The following ATP6V0B variants were observed in gnomAD, a reference collection of about 807,000 sequenced individuals.
The protein encoded by ATP6V0B is V-type proton ATPase 21 kDa proteolipid subunit c''.
In ATP6V0B, 4 loss-of-function variants were observed where a neutral mutation model predicts 26.2. The ratio of observed to expected loss-of-function variants is 0.15; its 90% CI spans 0.08 to 0.35. The LOEUF (loss-of-function observed/expected upper bound fraction) is 0.35, where lower values mean the gene tolerates loss of function less well. Ranked by LOEUF, ATP6V0B falls within the 10% of genes least tolerant of loss-of-function variation. The pLI, the probability that ATP6V0B is intolerant of heterozygous loss-of-function variation, is 1.00. For missense variants in ATP6V0B, 175 were observed against 272.5 expected (o/e 0.64, Z 2.52); for synonymous variants, 110 against 105.8 (o/e 1.04, Z -0.24).
chr1:43,977,987 A>C lies in ATP6V0B; in HGVS notation c.598A>C (p.Arg200=), dbSNP rs756022638. ...TCCTGTTCTTTTTTTGCAGACCTCC[A>C]GAGTGAAGATGGGTGACTAGATGAT... The part of the protein sequence containing the change: ...GVIVAILQTS[R]VKMGD The change falls in exon 8 of 8, where the codon AGA becomes CGA. Residue 200 remains arginine, a synonymous_variant. Coordinates refer to ENST00000472174, the MANE Select transcript of ATP6V0B (RefSeq NM_004047.5). 6.2e-7 allele frequency: 1 copy of C among 1,614,166 alleles called. No homozygotes were observed. Among genetic ancestry groups the C allele is most frequent in the East Asian group, 2.2e-5 (1 of 44,892 alleles).
In ATP6V0B at chr1:43,977,051, C is replaced by G; in HGVS notation, c.426C>G (p.Leu142=). The change falls in exon 7 of 8, where the codon CTC becomes CTG. Residue 142 remains leucine (L), a synonymous_variant. Coordinates refer to ENST00000472174, the MANE Select transcript of ATP6V0B (RefSeq NM_004047.5). ...GCTACTCCATGTTTGGGGCTGGCCT[C>G]ACCGTAGGCCTGTCTAACCTCTTCT... ...HAGYSMFGAG[L]TVGLSNLFCG... 6.2e-7 allele frequency: 1 copy of G among 1,608,694 alleles called. No homozygotes were observed. Among genetic ancestry groups the G allele is most frequent in the East Asian group, 2.2e-5 (1 of 44,720 alleles).
chr1:43,976,499 G>A lies in ATP6V0B; in HGVS notation c.279-91G>A, dbSNP rs896409999. 3.2e-6 allele frequency: 5 copies of A among 1,559,424 alleles called. No individual in the cohort carries two copies. Among genetic ancestry groups the A allele is most frequent in the Admixed American group, 1.7e-5 (1 of 59,246 alleles). On this transcript the variant is annotated intron_variant, in intron 4 of 7. Transcript: ENST00000472174. This position sits in a 1 kb window ranked among gnomAD's most constrained non-coding sequence, Gnocchi z 4.6. ...GTGGGATGGGATGTTATAGGGGAAAGATTGCTGGGGACTTACTGGGCAGGA... is the reference window on the plus strand; with the variant it reads ...GTGGGATGGGATGTTATAGGGGAAAAATTGCTGGGGACTTACTGGGCAGGA...
In ATP6V0B at chr1:43,976,310, A is replaced by G. The variant is rs1557646593; in HGVS notation, c.209A>G (p.Tyr70Cys). ...LSVVGAAWGI[Y>C]ITGSSIIGGG... Reference sequence around the variant, plus strand: ...TTTTATCCTTCCACCAGGGGCATCTATATTACCGGCTCCTCCATCATTGGT... The same window carrying G: ...TTTTATCCTTCCACCAGGGGCATCTGTATTACCGGCTCCTCCATCATTGGT... Residue 70 changes from tyrosine (Y) to cysteine (C), a missense_variant, in exon 4 of 8, where the codon TAT becomes TGT. Tyr to Cys is a radical substitution (Grantham distance 194, BLOSUM62 -2). This residue lies in a region of ATP6V0B where 75 missense variants were observed against 94.7 expected (regional missense o/e 0.79). Transcript: ENST00000472174. This position sits in a 1 kb window ranked among gnomAD's most constrained non-coding sequence, Gnocchi z 4.6. The G allele has an allele frequency of 1.2e-6, 2 of 1,613,824 alleles. No individual in the cohort carries two copies. Among genetic ancestry groups the G allele is most frequent in the Non-Finnish European group, 1.7e-6 (2 of 1,179,846 alleles).
intron 7 of ATP6V0B, 182 bp from the exon 8 acceptor site, chr1:43,977,799 G>A: frequency 6.5e-7 from 1 of 1,545,446 alleles, no homozygotes; most frequent in African/African-American, 1.4e-5. Context: ...CTGTCCCACA[G>A]CGTAACTCTG....
rs769391912 is a variant in ATP6V0B, at chr1:43,977,159, C to T, written c.534C>T (p.Ile178=). ...QNPSLFVKIL[I]VEIFGSAIGL... ...CCAGCCTCTTTGTAAAGATTCTCATCGTGGAGATCTTTGGCAGCGCCATTG... is the reference window on the plus strand; with the variant it reads ...CCAGCCTCTTTGTAAAGATTCTCATTGTGGAGATCTTTGGCAGCGCCATTG... Residue 178 remains isoleucine (I), a synonymous_variant, in exon 7 of 8, where the codon ATC becomes ATT. Transcript: ENST00000472174. 27 of 1,614,148 alleles carry T rather than the reference C, an allele frequency of 1.7e-5. No homozygotes were observed. Among genetic ancestry groups the T allele is most frequent in the Middle Eastern group, 1.6e-4 (1 of 6,084 alleles).
Position 43,977,103 on chromosome 1 carries a change from A to G in ATP6V0B, c.478A>G (p.Ser160Gly). 6.2e-7 allele frequency: 1 copy of G among 1,614,224 alleles called. No homozygotes were observed. Among genetic ancestry groups the G allele is most frequent in the Non-Finnish European group, 8.5e-7 (1 of 1,180,038 alleles). ...TGGAGTCTGCGTGGGCATCGTGGGC[A>G]GTGGGGCTGCCCTGGCCGATGCTCA... Reference protein sequence around the residue: ...FCGVCVGIVGSGAALADAQNP... With the variant: ...FCGVCVGIVGGGAALADAQNP... Residue 160 changes from serine (S) to glycine (G), a missense_variant, in exon 7 of 8, where the codon AGT becomes GGT. By Grantham distance (56) the Ser-to-Gly change is moderately conservative. Around this residue, in one of 3 missense-constraint regions of ATP6V0B, gnomAD observed 97 missense variants for 158.0 expected, o/e 0.61. Transcript: ENST00000472174.
In ATP6V0B at chr1:43,976,490, T is replaced by C. The variant is rs2085522014; in HGVS notation, c.279-100T>C. ...AGCCACCTTGTGGGATGGGATGTTATAGGGGAAAGATTGCTGGGGACTTAC... is the reference window on the plus strand; with the variant it reads ...AGCCACCTTGTGGGATGGGATGTTACAGGGGAAAGATTGCTGGGGACTTAC... On this transcript the variant is annotated intron_variant, in intron 4 of 7. Transcript: ENST00000472174. The surrounding 1 kb of genome is among the most constrained non-coding windows in gnomAD (Gnocchi z 4.6). The C allele has an allele frequency of 7.1e-6, 11 of 1,549,432 alleles. No individual in the cohort carries two copies. Among genetic ancestry groups the C allele is most frequent in the Non-Finnish European group, 9.8e-6 (11 of 1,124,360 alleles).
Position 43,977,077 on chromosome 1 carries a change from G to T in ATP6V0B, c.452G>T (p.Cys151Phe). The T allele has an allele frequency of 6.2e-7, 1 of 1,613,914 alleles. No homozygotes were observed. Among genetic ancestry groups the T allele is most frequent in the Non-Finnish European group, 8.5e-7 (1 of 1,179,808 alleles). Residue 151 changes from cysteine (C) to phenylalanine (F), a missense_variant, in exon 7 of 8, where the codon TGT (cysteine) becomes TTT (phenylalanine). Cys to Phe is a radical substitution (Grantham distance 205, BLOSUM62 -2). Around this residue, in one of 3 missense-constraint regions of ATP6V0B, gnomAD observed 97 missense variants for 158.0 expected, o/e 0.61. Transcript: ENST00000472174. ...ACCGTAGGCCTGTCTAACCTCTTCTGTGGAGTCTGCGTGGGCATCGTGGGC... is the reference window on the plus strand; with the variant it reads ...ACCGTAGGCCTGTCTAACCTCTTCTTTGGAGTCTGCGTGGGCATCGTGGGC... ...GLTVGLSNLF[C>F]GVCVGIVGSG... is the part of the protein sequence containing the mutation.
intron 1 of ATP6V0B, chr1:43,975,396 G>T: frequency 1.8e-6 from 1 of 554,254 alleles, no homozygotes; most frequent in Non-Finnish European, 3.2e-6. Flanking sequence ...CCCCTTTCTT[G>T]CTCCTGACCG....
rs1237609034 is a variant in ATP6V0B, at chr1:43,975,115, C to A, written c.67+8C>A. 1 of 1,410,614 alleles carries A rather than the reference C, an allele frequency of 7.1e-7. No homozygotes were observed. Among genetic ancestry groups the A allele is most frequent in the South Asian group, 1.5e-5 (1 of 65,460 alleles). The allele number at this position is 1,410,614 out of a possible 1,614,324, so 87.4% of individuals were successfully genotyped here. A position where few individuals can be genotyped will look rare whatever the true frequency, so the allele number is the denominator to read the frequency against. ...CCTGCGCGCTGGCCGTGGGTGAGGCCGGGTCCTGGCGGGCGGGAGCAGCAT... is the reference window on the plus strand; with the variant it reads ...CCTGCGCGCTGGCCGTGGGTGAGGCAGGGTCCTGGCGGGCGGGAGCAGCAT... On this transcript the variant is annotated splice_region_variant and intron_variant, in intron 1 of 7. Transcript: ENST00000472174.
intron 1 of ATP6V0B, 158 bp from the exon 2 acceptor site, chr1:43,975,642 A>C (rs2085511375): frequency 1.3e-6 from 1 of 793,264 alleles, no homozygotes; most frequent in South Asian, 1.5e-5. Context: ...TGGAGGCCTA[A>C]GCAGAGGAAT....
chr1:43,977,705 G>T, intron 7 of ATP6V0B: 1 of 1,432,742 alleles, frequency 7.0e-7, no homozygotes, highest in Non-Finnish European at 9.1e-7. Flanking sequence ...CTAAGGATCA[G>T]CCTGAGGGTC....
Position 43,976,111 on chromosome 1 carries a change from C to G in ATP6V0B, c.138C>G (p.Pro46=). The change falls in exon 3 of 8, where the codon CCC becomes CCG. Residue 46 remains proline (P), a synonymous_variant. Coordinates refer to ENST00000472174, the MANE Select transcript of ATP6V0B (RefSeq NM_004047.5). This position sits in a 1 kb window ranked among gnomAD's most constrained non-coding sequence, Gnocchi z 4.6. ...ACAGGTTCCTGACGGAGACTTCGCC[C>G]TTCATGTGGTCCAACCTGGGCATTG... ...DVAWFLTETS[P]FMWSNLGIGL... 1 of 1,614,066 alleles carries G rather than the reference C, an allele frequency of 6.2e-7. No individual in the cohort carries two copies. The highest frequency in any genetic ancestry group is 8.5e-7 in the Non-Finnish European group (1 of 1,180,010).
Position 43,977,150 on chromosome 1 carries a change from G to T in ATP6V0B, c.525G>T (p.Lys175Asn), listed in dbSNP as rs201547760. Reference protein sequence around the residue: ...ADAQNPSLFVKILIVEIFGSA... With the variant: ...ADAQNPSLFVNILIVEIFGSA... Reference sequence around the variant, plus strand: ...CTCAGAACCCCAGCCTCTTTGTAAAGATTCTCATCGTGGAGATCTTTGGCA... The same window carrying T: ...CTCAGAACCCCAGCCTCTTTGTAAATATTCTCATCGTGGAGATCTTTGGCA... Residue 175 changes from lysine (K) to asparagine (N), a missense_variant, in exon 7 of 8, where the codon AAG (lysine) becomes AAT (asparagine). Coordinates refer to ENST00000472174, the MANE Select transcript of ATP6V0B (RefSeq NM_004047.5). 6.2e-7 allele frequency: 1 copy of T among 1,614,264 alleles called. No homozygotes were observed. Among genetic ancestry groups the T allele is most frequent in the East Asian group, 2.2e-5 (1 of 44,888 alleles).
At chr1:43,977,788 T>A in intron 7 of ATP6V0B, 193 bp from the exon 8 acceptor site, 1 of 1,512,872 alleles carries the variant, frequency 6.6e-7, no homozygotes, top group South Asian at 1.3e-5. Flanking sequence ...CTTCTCTCCG[T>A]CTGTCCCACA....
At position 43,975,099 on chromosome 1, in the gene ATP6V0B, T is replaced by A. The variant is rs1272528020; in HGVS notation, c.59T>A (p.Leu20Gln). The change falls in exon 1 of 8, where the codon CTG (leucine) becomes CAG (glutamine). Residue 20 changes from leucine (L) to glutamine (Q), a missense_variant. Leu to Gln is a moderately radical substitution (Grantham distance 113). Around this residue, in one of 3 missense-constraint regions of ATP6V0B, gnomAD observed 75 missense variants for 94.7 expected, o/e 0.79. Coordinates refer to ENST00000472174, the MANE Select transcript of ATP6V0B (RefSeq NM_004047.5). ...TTCGTGGCCTTCTGGGCCTGCGCGC[T>A]GGCCGTGGGTGAGGCCGGGTCCTGG... ...GVFVAFWACA[L>Q]AVGVCYTIFD... The A allele has an allele frequency of 2.8e-6, 4 of 1,408,366 alleles. No individual in the cohort carries two copies. The highest frequency in any genetic ancestry group is 3.7e-6 in the Non-Finnish European group (4 of 1,086,830). 87.2% of individuals were successfully genotyped at this position (1,408,366 alleles called of 1,614,324 possible). A position where few individuals can be genotyped will look rare whatever the true frequency, so the allele number is the denominator to read the frequency against.
chr1:43,976,463 C>A lies in ATP6V0B; in HGVS notation c.278+84C>A. On this transcript the variant is annotated intron_variant, in intron 4 of 7. Transcript: ENST00000472174. This position sits in a 1 kb window ranked among gnomAD's most constrained non-coding sequence, Gnocchi z 4.6. ...GTTTGATCTGACATACTGTTTCTGA[C>A]AAGCCACCTTGTGGGATGGGATGTT... The A allele has an allele frequency of 6.5e-7, 1 of 1,543,200 alleles. No individual in the cohort carries two copies. The highest frequency in any genetic ancestry group is 8.9e-7 in the Non-Finnish European group (1 of 1,122,692).
chr1:43,977,825 G>C, intron 7 of ATP6V0B, 156 bp from the exon 8 acceptor site: 15 of 1,578,402 alleles, frequency 9.5e-6, no homozygotes, highest in Non-Finnish European at 1.3e-5. Flanking sequence ...GTCTGTCCCT[G>C]TCTGCCTTGT....
Position 43,975,049 on chromosome 1 carries a change from G to A in ATP6V0B, c.9G>A (p.Gly3=), listed in dbSNP as rs780026637. 1.5e-6 allele frequency: 2 copies of A among 1,362,600 alleles called. No homozygotes were observed. The highest frequency in any genetic ancestry group is 1.5e-5 in the African/African-American group (1 of 65,102). 84.4% of individuals were successfully genotyped at this position (1,362,600 alleles called of 1,614,324 possible). The change falls in exon 1 of 8, where the codon GGG becomes GGA. Residue 3 remains glycine (G), a synonymous_variant. Transcript: ENST00000472174. MT[G]LALLYSGVFV... Reference sequence around the variant, plus strand: ...CCGCCGCCGTCGCCGCCATGACGGGGCTAGCACTGCTCTACTCCGGGGTCT... The same window carrying A: ...CCGCCGCCGTCGCCGCCATGACGGGACTAGCACTGCTCTACTCCGGGGTCT...
Sources: allele counts gnomAD v4.1 joint callset, GRCh38; gene constraint gnomAD v4.1.1; regional missense constraint gnomAD v4.1.1; non-coding constraint Gnocchi (gnomAD v3.1); transcripts MANE v1.5; gene names NCBI Gene and HGNC (gene_info 2026-07-23, HGNC 2026-07-21).